LPAR1: variants seen among roughly 807,000 people sequenced by gnomAD.
The protein encoded by LPAR1 is lysophosphatidic acid receptor 1.
A neutral mutation model predicts 23.8 loss-of-function variants in LPAR1; 5 were observed. The ratio of observed to expected loss-of-function variants is 0.21; its 90% CI spans 0.11 to 0.44. LPAR1 has a LOEUF of 0.44. Ranked by LOEUF, LPAR1 falls within the 20% of genes least tolerant of loss-of-function variation. The pLI, the probability that LPAR1 is intolerant of heterozygous loss-of-function variation, is 0.99. For synonymous variants in LPAR1, 160 were observed against 164.7 expected (o/e 0.97, Z 0.22); for missense variants, 311 against 482.8 (o/e 0.64, Z 3.33).
At chr9:110,917,289 C>T (rs975372187) in intron 5 of LPAR1, among the ~76,000 whole-genome samples, 3 of 152,014 alleles carry the variant, frequency 2.0e-5, no homozygotes, top group African/African-American at 7.3e-5. Flanking sequence ...GTGGAGGCTG[C>T]AGTGAGCCAA....
rs187562651 is a variant in LPAR1, at chr9:110,919,283, G to T, written c.793+22138C>A. On this transcript the variant is annotated intron_variant, in intron 5 of 5. Coordinates refer to ENST00000683809, the MANE Select transcript of LPAR1 (RefSeq NM_001351411.2). The stretch of plus-strand genomic sequence containing the variant: ...TCCGCCCATTGCTGGCCTTGAAGAT[G>T]CAAGTTGCCATGAATTCTACAGTCA... 1.8e-3 allele frequency among the ~76,000 whole-genome samples: 269 copies of T among 151,824 alleles called. 1 individual carries two copies. The highest frequency in any genetic ancestry group is 2.3e-3 in the Non-Finnish European group (154 of 67,972).
intron 1 of LPAR1, among the ~76,000 whole-genome samples, chr9:111,037,556 T>A (rs898448266): frequency 6.6e-6 from 1 of 152,258 alleles, no homozygotes; most frequent in African/African-American, 2.4e-5. Flanking sequence ...GGTCCCTCCC[T>A]TGCCTTACAA....
chr9:110,957,774 T>G (rs1294247841), intron 4 of LPAR1, among the ~76,000 whole-genome samples: 1 of 152,016 alleles, frequency 6.6e-6, no homozygotes, highest in Non-Finnish European at 1.5e-5. Context: ...GCATCCAAAT[T>G]GGAAAAGAGG....
chr9:110,930,072 C>T (rs2094303623), intron 5 of LPAR1, among the ~76,000 whole-genome samples: 1 of 152,208 alleles, frequency 6.6e-6, no homozygotes, highest in Admixed American at 6.5e-5. Flanking sequence ...CCATTACAGA[C>T]TGTAAAACAC....
intron 5 of LPAR1, among the ~76,000 whole-genome samples, chr9:110,887,898 AT>A (rs1351064483): frequency 1.3e-5 from 2 of 152,242 alleles, no homozygotes; most frequent in Non-Finnish European, 2.9e-5. Flanking sequence ...CAATACAATT[AT>A]GCATGTGCAA....
intron 4 of LPAR1, among the ~76,000 whole-genome samples, chr9:110,958,785 ATT>A (rs947159643): frequency 6.6e-6 from 1 of 151,710 alleles, no homozygotes; most frequent in Non-Finnish European, 1.5e-5. Context: ...GGGATAAAAT[ATT>A]TTCTAACTAT....
chr9:110,966,671 G>A (rs1390723316), intron 4 of LPAR1, among the ~76,000 whole-genome samples: 2 of 151,562 alleles, frequency 1.3e-5, no homozygotes, highest in African/African-American at 2.4e-5. Context: ...TAACAAAATG[G>A]TCATGTAACA....
chr9:110,914,827 G>A (rs2092902665), intron 5 of LPAR1, among the ~76,000 whole-genome samples: 1 of 152,118 alleles, frequency 6.6e-6, no homozygotes, highest in African/African-American at 2.4e-5. Flanking sequence ...ATACTTCTGT[G>A]TTTTACCTTT....
At position 110,941,815 on chromosome 9, in the gene LPAR1, C is replaced by G. The variant is rs763184991; in HGVS notation, c.399G>C (p.Thr133=). 1 of 1,614,046 alleles carries G rather than the reference C, an allele frequency of 6.2e-7. No homozygotes were observed. The highest frequency in any genetic ancestry group is 1.3e-5 in the African/African-American group (1 of 74,924). ...TAGCCAGTAAGTTGGCCACAGATGCCGTCAGGCTGGTGTCAATGAGGCCCT... is the reference window on the plus strand; with the variant it reads ...TAGCCAGTAAGTTGGCCACAGATGCGGTCAGGCTGGTGTCAATGAGGCCCT... ...LRQGLIDTSL[T]ASVANLLAIA... Residue 133 remains threonine, a synonymous_variant, in exon 5 of 6, where the codon ACG becomes ACC. Coordinates refer to ENST00000683809, the MANE Select transcript of LPAR1 (RefSeq NM_001351411.2). This position sits in a 1 kb window ranked among gnomAD's most constrained non-coding sequence, Gnocchi z 6.1.
chr9:110,909,497 T>A (rs1475290719), intron 5 of LPAR1, among the ~76,000 whole-genome samples: 2 of 152,196 alleles, frequency 1.3e-5, no homozygotes, highest in South Asian at 4.1e-4. Flanking sequence ...AGCACCTTCC[T>A]GTACAGGCAC....
At chr9:111,016,849 G>A (rs1356208323) in intron 2 of LPAR1, among the ~76,000 whole-genome samples, 1 of 152,202 alleles carries the variant, frequency 6.6e-6, no homozygotes, top group Non-Finnish European at 1.5e-5. Flanking sequence ...TTACAGAATG[G>A]CTTTTCTGAG....
At chr9:111,008,455 A>G (rs141843059) in intron 2 of LPAR1, among the ~76,000 whole-genome samples, 57 of 152,298 alleles carry the variant, frequency 3.7e-4, no homozygotes, top group African/African-American at 1.3e-3. Context: ...TAACAATAAT[A>G]AACTAGGGAG....
intron 5 of LPAR1, among the ~76,000 whole-genome samples, chr9:110,882,313 G>C (rs1035960960): frequency 6.6e-6 from 1 of 152,154 alleles, no homozygotes; most frequent in African/African-American, 2.4e-5. Context: ...ATTGCCTGGC[G>C]ACAGCAGACA....
chr9:110,892,852 GGCAGGCAGGCAGGCAT>G lies in LPAR1; in HGVS notation c.794-17146_794-17131del, dbSNP rs1444430065. ...AGGCAGGCAGGCAGGCAGGCAGGCA[GGCAGGCAGGCAGGCAT>G]GCAGGCAGGCAGGCTCAAAAACACT... On this transcript the variant is annotated intron_variant, in intron 5 of 5. Coordinates refer to ENST00000683809, the MANE Select transcript of LPAR1 (RefSeq NM_001351411.2). Among the ~76,000 whole-genome samples, 258 of 113,260 alleles carry G rather than the reference GGCAGGCAGGCAGGCAT, an allele frequency of 2.3e-3. 1 individual carries two copies. Among genetic ancestry groups the G allele is most frequent in the East Asian group, 6.0e-3 (21 of 3,492 alleles). The allele number at this position is 113,260 out of a possible 152,430, so 74.3% of individuals were successfully genotyped here.
intron 3 of LPAR1, 132 bp from the exon 4 acceptor site, chr9:110,972,352 C>A: frequency 2.0e-6 from 1 of 501,682 alleles, no homozygotes; most frequent in Non-Finnish European, 3.6e-6. Flanking sequence ...AACAGAAAGC[C>A]GGTAGGGAAA....
chr9:110,978,543 A>G (rs1396245533), intron 2 of LPAR1, among the ~76,000 whole-genome samples: 1 of 152,240 alleles, frequency 6.6e-6, no homozygotes, highest in East Asian at 1.9e-4. Flanking sequence ...TTTTCAAACT[A>G]TGTATCATTC....
intron 2 of LPAR1, among the ~76,000 whole-genome samples, chr9:111,013,607 C>A (rs1247948907): frequency 6.6e-6 from 1 of 152,004 alleles, no homozygotes; most frequent in Non-Finnish European, 1.5e-5. Flanking sequence ...CAAACATTTA[C>A]AATTACAATG....
chr9:110,907,226 T>A (rs1564430060), intron 5 of LPAR1, among the ~76,000 whole-genome samples: 1 of 151,906 alleles, frequency 6.6e-6, no homozygotes, highest in African/African-American at 2.4e-5. Context: ...CGGCAAAAAA[T>A]CAAGAGAGGA....
intron 5 of LPAR1, among the ~76,000 whole-genome samples, chr9:110,899,174 TCTC>T (rs1435453055): frequency 1.3e-5 from 2 of 152,240 alleles, no homozygotes; most frequent in Admixed American, 1.3e-4. Context: ...TAGGATGAGT[TCTC>T]TTCTTCACAC....
Sources: allele counts gnomAD v4.1 joint callset (sites outside exome capture counted in the v4.1 genomes callset), GRCh38; gene constraint gnomAD v4.1.1; non-coding constraint Gnocchi (gnomAD v3.1); transcripts MANE v1.5; gene names NCBI Gene and HGNC (gene_info 2026-07-23, HGNC 2026-07-21).